The following EXOC2 variants were observed in gnomAD, a reference collection of about 807,000 sequenced individuals.
EXOC2 encodes the protein exocyst complex component 2.
Under a neutral mutation model 131.8 loss-of-function variants are expected in EXOC2, and 70 were observed. The observed-to-expected ratio is 0.53, with a 90% CI of 0.44 to 0.65. The LOEUF is 0.65. Ranked by LOEUF, EXOC2 falls within the 30% of genes least tolerant of loss-of-function variation. The pLI, the probability that EXOC2 is intolerant of heterozygous loss-of-function variation, is 0.00. For missense variants in EXOC2, 923 were observed against 1,108.6 expected (o/e 0.83, Z 2.38); for synonymous variants, 411 against 398.4 (o/e 1.03, Z -0.38).
rs1761188113 is a variant in EXOC2, at chr6:619,658, T to C, written c.423-115A>G. ...GAATACTAACCATTACAACAATACA[T>C]ATTAATCATACATTACCCAGAACAT... On this transcript the variant is annotated intron_variant, in intron 4 of 27. Transcript: ENST00000230449. 18 of 607,712 alleles carry C rather than the reference T, an allele frequency of 3.0e-5. No homozygotes were observed. The South Asian group carries it at 3.8e-4, about 13-fold the overall frequency. 37.6% of individuals were successfully genotyped at this position (607,712 alleles called of 1,614,324 possible).
At chr6:591,768 C>T (rs973649035) in intron 11 of EXOC2, among the ~76,000 whole-genome samples, 5 of 152,152 alleles carry the variant, frequency 3.3e-5, no homozygotes, top group Non-Finnish European at 7.3e-5. Flanking sequence ...ATTCAATATA[C>T]TCAATATTCT....
At position 486,487 on chromosome 6, in the gene EXOC2, C is replaced by T; in HGVS notation, c.*184G>A. On this transcript the variant is annotated 3_prime_UTR_variant, in exon 28 of 28. Transcript: ENST00000230449. ...AGTAAGAATGGCAAAACAAATACTT[C>T]CTGGGCATTTCAAATGAGGTCATTT... 3.6e-6 allele frequency: 2 copies of T among 562,900 alleles called. No individual in the cohort carries two copies. The highest frequency in any genetic ancestry group is 1.9e-5 in the African/African-American group (1 of 52,796). 34.9% of individuals were successfully genotyped at this position (562,900 alleles called of 1,614,324 possible).
chr6:513,786 TACAA>T (rs1764984685), intron 23 of EXOC2, among the ~76,000 whole-genome samples: 1 of 152,232 alleles, frequency 6.6e-6, no homozygotes, highest in Non-Finnish European at 1.5e-5. Flanking sequence ...AGTAAATTGA[TACAA>T]AAAGAATCTA....
chr6:634,586 T>C (rs937828949), intron 2 of EXOC2, among the ~76,000 whole-genome samples: 1 of 152,174 alleles, frequency 6.6e-6, no homozygotes. Context: ...TGTTAAACCA[T>C]AAAGGAATAA....
At chr6:588,581 C>T (rs561608672) in intron 11 of EXOC2, among the ~76,000 whole-genome samples, 23 of 152,348 alleles carry the variant, frequency 1.5e-4, no homozygotes, top group Non-Finnish European at 2.4e-4. Flanking sequence ...TGTTGAACTC[C>T]TGACCTTGTG....
chr6:486,576 C>A lies in EXOC2; in HGVS notation c.*95G>T. The A allele has an allele frequency of 5.3e-6, 6 of 1,121,894 alleles. No individual in the cohort carries two copies. The highest frequency in any genetic ancestry group is 4.6e-5 in the South Asian group (3 of 64,940). 69.5% of individuals were successfully genotyped at this position (1,121,894 alleles called of 1,614,324 possible). On this transcript the variant is annotated 3_prime_UTR_variant, in exon 28 of 28. Transcript: ENST00000230449. Reference sequence around the variant, plus strand: ...AAGAAAAAAGAGAAAAATGGCAAACCCAATGTTTAATACACCAAATACCTT... The same window carrying A: ...AAGAAAAAAGAGAAAAATGGCAAACACAATGTTTAATACACCAAATACCTT...
chr6:570,420 A>G (rs1758215005), intron 13 of EXOC2, among the ~76,000 whole-genome samples: 3 of 152,232 alleles, frequency 2.0e-5, no homozygotes, highest in Admixed American at 2.0e-4. Context: ...GGCATGAGCC[A>G]CCGCGCCTGG....
chr6:530,198 T>C (rs1051231398), intron 23 of EXOC2, among the ~76,000 whole-genome samples: 1 of 152,214 alleles, frequency 6.6e-6, no homozygotes, highest in Non-Finnish European at 1.5e-5. Flanking sequence ...CACTGTATAA[T>C]GTACTTTCCT....
chr6:586,959 C>T (rs1759243277), intron 11 of EXOC2, among the ~76,000 whole-genome samples: 1 of 152,220 alleles, frequency 6.6e-6, no homozygotes, highest in Non-Finnish European at 1.5e-5. Flanking sequence ...TCCCAGATTT[C>T]TTCCACATCT....
At chr6:487,622 G>C (rs551389772) in intron 27 of EXOC2, among the ~76,000 whole-genome samples, 1 of 152,066 alleles carries the variant, frequency 6.6e-6, no homozygotes, top group Non-Finnish European at 1.5e-5. Flanking sequence ...GGCCAGGATG[G>C]TCTTGATTTC....
intron 22 of EXOC2, among the ~76,000 whole-genome samples, chr6:545,857 T>C (rs1756823296): frequency 6.6e-6 from 1 of 152,108 alleles, no homozygotes; most frequent in Non-Finnish European, 1.5e-5. Context: ...TATACCCACA[T>C]TAACAAATGT....
chr6:676,622 ACT>A (rs374371484), intron 1 of EXOC2, among the ~76,000 whole-genome samples: 11 of 14,902 alleles, frequency 7.4e-4, no homozygotes, highest in Admixed American at 2.0e-3. Context: ...TCCTCTGGTG[ACT>A]CTGCGGTTCC....
chr6:621,299 C>T (rs1351996233), intron 4 of EXOC2, among the ~76,000 whole-genome samples: 2 of 152,210 alleles, frequency 1.3e-5, no homozygotes, highest in African/African-American at 4.8e-5. Context: ...TCTGCATCCT[C>T]CCACTTCATG....
rs567101206 is a variant in EXOC2 at position 522,835 on chromosome 6, G to C, written c.2380+9634C>G. ...GGGAAAGGGAATGCTGGGTCTTTGAGGACTAGCAATGGCCCAGTGTAGACT... is the reference window on the plus strand; with the variant it reads ...GGGAAAGGGAATGCTGGGTCTTTGACGACTAGCAATGGCCCAGTGTAGACT... On this transcript the variant is annotated intron_variant, in intron 23 of 27. Coordinates refer to ENST00000230449, the MANE Select transcript of EXOC2 (RefSeq NM_018303.6). 5.9e-4 allele frequency among the ~76,000 whole-genome samples: 90 copies of C among 152,340 alleles called. No individual in the cohort carries two copies. In the South Asian group the frequency reaches 0.011, roughly 18 times the overall value.
intron 1 of EXOC2, among the ~76,000 whole-genome samples, chr6:655,702 C>T (rs1763041405): frequency 6.6e-6 from 1 of 152,206 alleles, no homozygotes; most frequent in Non-Finnish European, 1.5e-5. Context: ...TAGCTCTCTA[C>T]ATAAGAAATG....
At chr6:495,346 G>A (rs575481744) in intron 25 of EXOC2, among the ~76,000 whole-genome samples, 28 of 151,240 alleles carry the variant, frequency 1.9e-4, no homozygotes, top group Admixed American at 8.6e-4. Context: ...GGATGGTCTC[G>A]ATCTCCTGAC....
At chr6:535,473 G>T (rs984792696) in intron 22 of EXOC2, among the ~76,000 whole-genome samples, 1 of 152,066 alleles carries the variant, frequency 6.6e-6, no homozygotes, top group Non-Finnish European at 1.5e-5. Flanking sequence ...ATATTGCCAA[G>T]AACAGAAATG....
Position 629,959 on chromosome 6 carries a change from T to C in EXOC2, c.298A>G (p.Ile100Val). Residue 100 changes from isoleucine (I) to valine (V), a missense_variant and splice_region_variant, in exon 4 of 28, where the codon ATT becomes GTT. By Grantham distance (29) the Ile-to-Val change is conservative. Coordinates refer to ENST00000230449, the MANE Select transcript of EXOC2 (RefSeq NM_018303.6). ...FKLLKPEKIGILDQSAVWVDE... is the reference protein window; with the variant it reads ...FKLLKPEKIGVLDQSAVWVDE... ...ACCCACACAGCAGACTGATCCAAAA[T>C]GCCTACAGAAATGAGGAGCATATGC... The C allele has an allele frequency of 6.2e-7, 1 of 1,613,828 alleles. No individual in the cohort carries two copies. Among genetic ancestry groups the C allele is most frequent in the Non-Finnish European group, 8.5e-7 (1 of 1,179,822 alleles).
At chr6:648,828 C>G (rs772627222) in intron 1 of EXOC2, among the ~76,000 whole-genome samples, 1 of 149,490 alleles carries the variant, frequency 6.7e-6, no homozygotes, top group Non-Finnish European at 1.5e-5. Flanking sequence ...CTCAAGCAAT[C>G]CTTCCACCTC....
Sources: gnomAD v4.1 joint callset for allele counts (sites outside exome capture counted in the v4.1 genomes callset) on GRCh38, gnomAD v4.1.1 for gene constraint, MANE v1.5 for transcripts, NCBI Gene and HGNC (gene_info 2026-07-23, HGNC 2026-07-21) for gene names.